Variants in TSPEAR observed in about 807,000 individuals in gnomAD.
TSPEAR encodes the protein thrombospondin-type laminin G domain and EAR repeat-containing protein.
TSPEAR carries 69 observed loss-of-function variants against 71.6 expected under a neutral mutation model. The observed-to-expected ratio is 0.96, with a 90% CI of 0.79 to 1.18. The LOEUF is 1.18. TSPEAR is among the 50% of genes most tolerant of loss of function. The pLI, the probability that TSPEAR is intolerant of heterozygous loss-of-function variation, is 0.00. For synonymous variants in TSPEAR, 402 were observed against 387.2 expected, an observed-to-expected ratio of 1.04 and a Z score of -0.45; for missense variants, 971 against 894.9, an observed-to-expected ratio of 1.09 and a Z score of -1.09.
intron 2 of TSPEAR, chr21:44,558,254 G>C (rs1555920265): frequency 8.1e-6 from 13 of 1,614,082 alleles, no homozygotes; most frequent in Non-Finnish European, 1.1e-5. Flanking sequence ...CGGAGGAGGA[G>C]GGTCTGCAGC....
chr21:44,649,765 G>C (rs587715163), intron 1 of TSPEAR, among the ~76,000 whole-genome samples: 15 of 152,276 alleles, frequency 9.9e-5, no homozygotes, highest in Non-Finnish European at 2.2e-4. Context: ...CAGTGGGCTT[G>C]GGCTGTGTCC....
chr21:44,562,691 G>T (rs1226244078), intron 2 of TSPEAR, among the ~76,000 whole-genome samples: 1 of 152,024 alleles, frequency 6.6e-6, no homozygotes, highest in African/African-American at 2.4e-5. Context: ...GAAACAATGG[G>T]CACCAGAAGG....
chr21:44,621,129 G>C (rs1479807595), intron 1 of TSPEAR, among the ~76,000 whole-genome samples: 5 of 152,190 alleles, frequency 3.3e-5, no homozygotes, highest in Non-Finnish European at 7.3e-5. Context: ...TGAGTTTTCT[G>C]CTGTAGTTGG....
chr21:44,637,361 A>G (rs1409136242), intron 1 of TSPEAR: 69 of 1,566,864 alleles, frequency 4.4e-5, no homozygotes, highest in Non-Finnish European at 6.0e-5. Context: ...ACACACACTC[A>G]CTCACACACT....
intron 1 of TSPEAR, among the ~76,000 whole-genome samples, chr21:44,611,694 A>C (rs897147975): frequency 5.3e-5 from 8 of 152,140 alleles, no homozygotes; most frequent in Non-Finnish European, 1.2e-4. Context: ...CTGGTAAAAA[A>C]ACACCCCACC....
Position 44,646,864 on chromosome 21 carries a change from T to A in TSPEAR, c.82+64569A>T, listed in dbSNP as rs375939349. On this transcript the variant is annotated intron_variant, in intron 1 of 11. Coordinates refer to ENST00000323084, the MANE Select transcript of TSPEAR (RefSeq NM_144991.3). ...CCGGCAGTCTAGCTGCCAGCCAGCT[T>A]GCTGTGCCTCTTCCTCCTGCCAGCC... The A allele has an allele frequency of 1.5e-5, 24 of 1,577,724 alleles. No individual in the cohort carries two copies. Among genetic ancestry groups the A allele is most frequent in the African/African-American group, 2.7e-5 (2 of 73,386 alleles).
At chr21:44,607,873 A>G (rs1321415699) in intron 1 of TSPEAR, among the ~76,000 whole-genome samples, 1 of 152,260 alleles carries the variant, frequency 6.6e-6, no homozygotes, top group Non-Finnish European at 1.5e-5. Context: ...TTTACCCAAG[A>G]GAAGTGAAAT....
intron 1 of TSPEAR, among the ~76,000 whole-genome samples, chr21:44,614,698 G>C (rs1219165446): frequency 2.0e-5 from 3 of 152,218 alleles, no homozygotes; most frequent in Non-Finnish European, 4.4e-5. Flanking sequence ...CGCAGAGCAA[G>C]AGTTCAAGAA....
At chr21:44,539,421 A>G in intron 2 of TSPEAR, 1 of 1,602,898 alleles carries the variant, frequency 6.2e-7, no homozygotes, top group Non-Finnish European at 8.5e-7. Flanking sequence ...GGCATACAGC[A>G]GGCGGGCCGG....
chr21:44,614,503 A>T (rs1345210668), intron 1 of TSPEAR, among the ~76,000 whole-genome samples: 2 of 152,222 alleles, frequency 1.3e-5, no homozygotes, highest in African/African-American at 4.8e-5. Context: ...GGTGGAACAG[A>T]GTCCCTGGTC....
intron 1 of TSPEAR, chr21:44,591,616 GGCTGGCAGCTAGACT>G (rs1979852826): frequency 1.2e-6 from 2 of 1,613,422 alleles, no homozygotes; most frequent in Non-Finnish European, 1.7e-6. Context: ...GCAGCAAGCC[GGCTGGCAGCTAGACT>G]GCTGGCAGCA....
chr21:44,602,328 G>A (rs1893711916), intron 1 of TSPEAR, among the ~76,000 whole-genome samples: 1 of 152,220 alleles, frequency 6.6e-6, no homozygotes, highest in Non-Finnish European at 1.5e-5. Context: ...GGATGTCCGA[G>A]GGGTAGGCAG....
At chr21:44,696,659 A>G (rs1344511336) in intron 1 of TSPEAR, among the ~76,000 whole-genome samples, 2 of 152,232 alleles carry the variant, frequency 1.3e-5, no homozygotes, top group African/African-American at 4.8e-5. Flanking sequence ...GAAGAAAAAC[A>G]TCCTTGACTC....
intron 9 of TSPEAR, among the ~76,000 whole-genome samples, chr21:44,512,302 G>A (rs1346050814): frequency 2.7e-5 from 4 of 149,058 alleles, no homozygotes; most frequent in African/African-American, 9.8e-5. Context: ...ACAGGAGCTA[G>A]GAAGGTGTCA....
intron 1 of TSPEAR, chr21:44,697,207 C>T (rs782375708): frequency 1.9e-5 from 31 of 1,613,546 alleles, no homozygotes; most frequent in South Asian, 3.3e-5. Context: ...CCACCATGTC[C>T]GTCTGCTCCA....
chr21:44,512,608 TG>T (rs1210339477), intron 9 of TSPEAR, among the ~76,000 whole-genome samples: 1 of 151,966 alleles, frequency 6.6e-6, no homozygotes, highest in Non-Finnish European at 1.5e-5. Flanking sequence ...GACCCTGGGT[TG>T]GGAATGCGCG....
At chr21:44,702,709 C>T (rs1168624740) in intron 1 of TSPEAR, 3 of 1,491,474 alleles carry the variant, frequency 2.0e-6, no homozygotes, top group Admixed American at 1.7e-5. Flanking sequence ...CAGCTGCTGC[C>T]ACCCAGCCTC....
In TSPEAR at chr21:44,658,540, G is replaced by A. The variant is rs587598857; in HGVS notation, c.82+52893C>T. On this transcript the variant is annotated intron_variant, in intron 1 of 11. Transcript: ENST00000323084. ...TAAATCGGCTGTCCCTATACACCTCGTCTCTCTCTTTTATCTTCATGTATT... is the reference window on the plus strand; with the variant it reads ...TAAATCGGCTGTCCCTATACACCTCATCTCTCTCTTTTATCTTCATGTATT... Among the ~76,000 whole-genome samples, 10 of 152,190 alleles carry A rather than the reference G, an allele frequency of 6.6e-5. No homozygotes were observed. The South Asian group carries it at 2.1e-3, about 32-fold the overall frequency.
chr21:44,623,815 CT>C lies in TSPEAR; in HGVS notation c.83-55811del, dbSNP rs202168650. Among the ~76,000 whole-genome samples, 1 of 151,668 alleles carries C rather than the reference CT, an allele frequency of 6.6e-6. No individual in the cohort carries two copies. The highest frequency in any genetic ancestry group is 2.4e-5 in the African/African-American group (1 of 41,364). On this transcript the variant is annotated intron_variant, in intron 1 of 11. Coordinates refer to ENST00000323084, the MANE Select transcript of TSPEAR (RefSeq NM_144991.3). This position sits in a 1 kb window ranked among gnomAD's most constrained non-coding sequence, Gnocchi z 4.5. Reference sequence around the variant, plus strand: ...TGTTGCTTCTTTAAAGGTAATATTTCTTTTTTTTTCCCTTGGCTGTTTTTAA... The same window carrying C: ...TGTTGCTTCTTTAAAGGTAATATTTCTTTTTTTTCCCTTGGCTGTTTTTAA...
Sources: allele counts gnomAD v4.1 joint callset (sites outside exome capture counted in the v4.1 genomes callset), GRCh38; gene constraint gnomAD v4.1.1; non-coding constraint Gnocchi (gnomAD v3.1); transcripts MANE v1.5; gene names NCBI Gene and HGNC (gene_info 2026-07-23, HGNC 2026-07-21).